Variants in PCDHA7 observed in about 807,000 individuals in gnomAD.
PCDHA7 encodes the protein protocadherin alpha 7, also known as protocadherin alpha-7.
A neutral mutation model predicts 57.2 loss-of-function variants in PCDHA7; 37 were observed. That is an observed-to-expected ratio of 0.65 (90% confidence interval 0.50 to 0.85). The LOEUF (loss-of-function observed/expected upper bound fraction) is 0.85, where lower values mean the gene tolerates loss of function less well. PCDHA7 is among the 40% of genes least tolerant of loss of function. The probability of loss-of-function intolerance (pLI) is 0.00; values close to 1 mark genes in which losing one functional copy is unlikely to be tolerated. For missense variants in PCDHA7, 1,188 were observed against 1,241.8 expected, an observed-to-expected ratio of 0.96 and a Z score of 0.65; for synonymous variants, 553 against 558.8, an observed-to-expected ratio of 0.99 and a Z score of 0.15.
rs1460408085 is a variant in PCDHA7, at chr5:140,900,316, C to T, written c.2355+63578C>T. On this transcript the variant is annotated intron_variant, in intron 1 of 3. Coordinates refer to ENST00000525929, the MANE Select transcript of PCDHA7 (RefSeq NM_018910.3). ...TTTTTTTAGACAGTCTCACTTTTGT[C>T]GCCCAGGCTGGAGTACCGTGGCGCA... Among the ~76,000 whole-genome samples the T allele has an allele frequency of 1.2e-4, 18 of 152,172 alleles. No individual in the cohort carries two copies. The East Asian group carries it at 2.7e-3, about 23-fold the overall frequency.
intron 1 of PCDHA7, among the ~76,000 whole-genome samples, chr5:140,837,935 T>TC (rs1775325521): frequency 6.6e-6 from 1 of 151,856 alleles, no homozygotes; most frequent in Non-Finnish European, 1.5e-5. Flanking sequence ...TACCTTGGCC[T>TC]CCCAAAGTAT....
chr5:140,983,211 T>C (rs1429696975), intron 3 of PCDHA7, among the ~76,000 whole-genome samples: 1 of 152,204 alleles, frequency 6.6e-6, no homozygotes, highest in African/African-American at 2.4e-5. Context: ...AGGGACTATT[T>C]CCTAATCCAA....
At chr5:140,985,228 C>T (rs1022229644) in intron 3 of PCDHA7, among the ~76,000 whole-genome samples, 2 of 152,156 alleles carry the variant, frequency 1.3e-5, no homozygotes, top group Admixed American at 6.5e-5. Flanking sequence ...TGAGCCACCG[C>T]GCCTGGCCTA....
intron 1 of PCDHA7, among the ~76,000 whole-genome samples, chr5:140,941,214 C>CTTCCTTTCTTT (rs1554214039): frequency 8.2e-6 from 1 of 122,414 alleles, no homozygotes; most frequent in Non-Finnish European, 1.7e-5. Context: ...TTTCTTTCTT[C>CTTCCTTTCTTT]CTTTCTTTCT....
At chr5:140,929,034 C>A in intron 1 of PCDHA7, 4 of 1,614,158 alleles carry the variant, frequency 2.5e-6, no homozygotes, top group Non-Finnish European at 3.4e-6. Flanking sequence ...CAGGCTGTTG[C>A]GCTCAGAGCT....
At chr5:140,882,621 A>T (rs374336585) in intron 1 of PCDHA7, 1 of 1,614,094 alleles carries the variant, frequency 6.2e-7, no homozygotes, top group African/African-American at 1.3e-5. Context: ...CAGGTTTTCC[A>T]TGTGGAGGTG....
chr5:140,906,010 C>T (rs1465949058), intron 1 of PCDHA7, among the ~76,000 whole-genome samples: 1 of 152,210 alleles, frequency 6.6e-6, no homozygotes, highest in Admixed American at 6.5e-5. Flanking sequence ...CTAAGCCAGT[C>T]TAATCTCTCC....
At chr5:140,959,614 G>T (rs1175211325) in intron 1 of PCDHA7, among the ~76,000 whole-genome samples, 1 of 152,024 alleles carries the variant, frequency 6.6e-6, no homozygotes, top group African/African-American at 2.4e-5. Context: ...TTTCTTGCTT[G>T]TGATAGAAAA....
At chr5:140,890,917 G>C (rs1465334645) in intron 1 of PCDHA7, among the ~76,000 whole-genome samples, 3 of 152,116 alleles carry the variant, frequency 2.0e-5, no homozygotes, top group Non-Finnish European at 4.4e-5. Context: ...AATAATTTGA[G>C]AGTTTCCTTT....
At chr5:140,998,125 A>G (rs2097797565) in intron 3 of PCDHA7, among the ~76,000 whole-genome samples, 1 of 152,222 alleles carries the variant, frequency 6.6e-6, no homozygotes. Flanking sequence ...CTTGTGAATC[A>G]TAATAGCTAA....
chr5:140,852,094 C>A, intron 1 of PCDHA7: 2 of 907,306 alleles, frequency 2.2e-6, no homozygotes, highest in Non-Finnish European at 2.7e-6. Flanking sequence ...AATATTGTGT[C>A]AGATATTTTA....
rs1383515995 is a variant in PCDHA7 at position 140,856,091 on chromosome 5, C to T, written c.2355+19353C>T. The stretch of plus-strand genomic sequence containing the variant: ...CTGCCTGGGGGTCCAGTGTCTGCTG[C>T]TCTCGCTTCTTCTCCTCGCAGCCTG... On this transcript the variant is annotated intron_variant, in intron 1 of 3. Coordinates refer to ENST00000525929, the MANE Select transcript of PCDHA7 (RefSeq NM_018910.3). 13 of 1,597,006 alleles carry T rather than the reference C, an allele frequency of 8.1e-6. 1 individual carries two copies. The highest frequency in any genetic ancestry group is 1.3e-5 in the African/African-American group (1 of 74,304).
chr5:140,899,544 T>A (rs925092249), intron 1 of PCDHA7, among the ~76,000 whole-genome samples: 11 of 152,202 alleles, frequency 7.2e-5, no homozygotes, highest in Non-Finnish European at 1.5e-5. Context: ...TTGATCATGG[T>A]GGATAAGCTT....
chr5:140,857,575 G>A (rs781888670), intron 1 of PCDHA7: 4 of 1,596,658 alleles, frequency 2.5e-6, no homozygotes, highest in East Asian at 4.5e-5. Context: ...ACGTGTCGGT[G>A]CACGCGGAGA....
intron 1 of PCDHA7, chr5:140,876,474 C>T: frequency 6.2e-7 from 1 of 1,614,014 alleles, no homozygotes; most frequent in Non-Finnish European, 8.5e-7. Flanking sequence ...CAGGTCACAG[C>T]ATGGTCCTGG....
intron 1 of PCDHA7, chr5:140,882,290 G>A: frequency 6.2e-7 from 1 of 1,613,532 alleles, no homozygotes; most frequent in Non-Finnish European, 8.5e-7. Flanking sequence ...CTGGCAAGGA[G>A]GCCCAAGACC....
At chr5:140,863,033 C>T (rs1554157551) in intron 1 of PCDHA7, 1 of 557,426 alleles carries the variant, frequency 1.8e-6, no homozygotes, top group Admixed American at 1.9e-5. Context: ...GCAACAGCTG[C>T]ATCTGTCAGC....
intron 1 of PCDHA7, among the ~76,000 whole-genome samples, chr5:140,945,224 T>G (rs1563213002): frequency 6.6e-6 from 1 of 152,016 alleles, no homozygotes; most frequent in Admixed American, 6.6e-5. Flanking sequence ...ATAAAAATAC[T>G]TAGGAATAAA....
At chr5:140,969,346 AG>A (rs2096322383) in intron 1 of PCDHA7, 1 of 1,613,510 alleles carries the variant, frequency 6.2e-7, no homozygotes, top group African/African-American at 1.3e-5. Flanking sequence ...GACAGTGGTC[AG>A]GGGGTCTTCT....
Sources: allele counts gnomAD v4.1 joint callset (sites outside exome capture counted in the v4.1 genomes callset), GRCh38; gene constraint gnomAD v4.1.1; transcripts MANE v1.5; gene names NCBI Gene and HGNC (gene_info 2026-07-23, HGNC 2026-07-21).